GRM5: variants seen among roughly 807,000 people sequenced by gnomAD.
The protein encoded by GRM5 is glutamate metabotropic receptor 5.
A neutral mutation model predicts 83.1 loss-of-function variants in GRM5; 19 were observed. The ratio of observed to expected loss-of-function variants is 0.23; its 90% CI spans 0.16 to 0.34. GRM5 has a LOEUF of 0.34. GRM5 is among the 10% of genes least tolerant of loss of function. The pLI, the probability that GRM5 is intolerant of heterozygous loss-of-function variation, is 1.00. For synonymous variants in GRM5, 675 were observed against 633.6 expected, an observed-to-expected ratio of 1.07 and a Z score of -0.98; for missense variants, 1,160 against 1,588.3, an observed-to-expected ratio of 0.73 and a Z score of 4.58.
intron 3 of GRM5, among the ~76,000 whole-genome samples, chr11:88,838,630 A>G (rs1944136775): frequency 6.6e-6 from 1 of 152,192 alleles, no homozygotes; most frequent in African/African-American, 2.4e-5. Context: ...TTAAATCCCT[A>G]ACAGTGAGAA....
chr11:88,651,249 A>G (rs957170976), intron 4 of GRM5, among the ~76,000 whole-genome samples: 15 of 152,162 alleles, frequency 9.9e-5, no homozygotes, highest in Non-Finnish European at 1.6e-4. Context: ...ACAAATAACT[A>G]TTTTCAAGAG....
At chr11:88,592,882 T>G (rs1417459104) in intron 6 of GRM5, among the ~76,000 whole-genome samples, 1 of 152,164 alleles carries the variant, frequency 6.6e-6, no homozygotes, top group Non-Finnish European at 1.5e-5. Context: ...GGCGCCATCT[T>G]GGCTCACGGC....
intron 3 of GRM5, among the ~76,000 whole-genome samples, chr11:88,812,813 T>C (rs1943610009): frequency 6.6e-6 from 1 of 152,164 alleles, no homozygotes; most frequent in African/African-American, 2.4e-5. Context: ...GAAGCTAGAA[T>C]ACTAAACATC....
intron 3 of GRM5, among the ~76,000 whole-genome samples, chr11:88,738,949 C>T (rs1285705423): frequency 6.6e-6 from 1 of 152,066 alleles, no homozygotes; most frequent in Non-Finnish European, 1.5e-5. Context: ...GCTCCAATTC[C>T]AGATGTCATC....
At position 88,787,096 on chromosome 11, in the gene GRM5, A is replaced by G. The variant is rs997879696; in HGVS notation, c.911+62810T>C. Among the ~76,000 whole-genome samples the G allele has an allele frequency of 2.6e-5, 4 of 151,908 alleles. No individual in the cohort carries two copies. The East Asian group carries it at 7.8e-4, about 29-fold the overall frequency. On this transcript the variant is annotated intron_variant, in intron 3 of 9. Transcript: ENST00000305447. The stretch of plus-strand genomic sequence containing the variant: ...AGTTAATAGAATGAACAAAACAAGC[A>G]GATATCTTTATTTAAAAATATGATA...
chr11:88,671,684 T>C (rs1940197452), intron 3 of GRM5, among the ~76,000 whole-genome samples: 1 of 152,094 alleles, frequency 6.6e-6, no homozygotes, highest in African/African-American at 2.4e-5. Flanking sequence ...GAGAAGATTA[T>C]ACATATTCCA....
At chr11:88,765,282 G>C (rs964912323) in intron 3 of GRM5, among the ~76,000 whole-genome samples, 1 of 150,764 alleles carries the variant, frequency 6.6e-6, no homozygotes, top group African/African-American at 2.4e-5. Flanking sequence ...GGGTCTGATA[G>C]CTTCATGAGT....
chr11:88,559,024 TAA>T (rs1051012704), intron 8 of GRM5, among the ~76,000 whole-genome samples: 4 of 152,126 alleles, frequency 2.6e-5, no homozygotes, highest in South Asian at 2.1e-4. Context: ...AAAAGTAGTG[TAA>T]GTCTTCTCAA....
chr11:88,822,669 C>T (rs1590885885), intron 3 of GRM5, among the ~76,000 whole-genome samples: 1 of 152,036 alleles, frequency 6.6e-6, no homozygotes, highest in Admixed American at 6.6e-5. Flanking sequence ...AGAATATTGA[C>T]TCTTCCGGTT....
chr11:88,663,780 G>T (rs2135321208), intron 3 of GRM5, among the ~76,000 whole-genome samples: 1 of 152,220 alleles, frequency 6.6e-6, no homozygotes, highest in East Asian at 1.9e-4. Flanking sequence ...CCTCTTTTAT[G>T]AAGGCCAAAC....
intron 3 of GRM5, among the ~76,000 whole-genome samples, chr11:88,831,080 C>T (rs1487990315): frequency 2.0e-5 from 3 of 152,028 alleles, no homozygotes; most frequent in Non-Finnish European, 2.9e-5. Flanking sequence ...CACAGCCAAA[C>T]CATATCACGC....
In GRM5 at chr11:88,854,058, G is replaced by GTATATATATATATATA. The variant is rs10525785; in HGVS notation, c.662-3919_662-3904dup. On this transcript the variant is annotated intron_variant, in intron 2 of 9. Coordinates refer to ENST00000305447, the MANE Select transcript of GRM5 (RefSeq NM_001143831.3). ...AGATAAATGAATTAAAAAATGTGGT[G>GTATATATATATATATA]TATATATATATATATATATACACAA... is the stretch of plus-strand genomic sequence containing the variant. Among the ~76,000 whole-genome samples, 245 of 121,150 alleles carry GTATATATATATATATA rather than the reference G, an allele frequency of 2.0e-3. 6 individuals carry two copies. The highest frequency in any genetic ancestry group is 0.01 in the East Asian group (42 of 4,094). 79.5% of individuals were successfully genotyped at this position (121,150 alleles called of 152,430 possible). A position where few individuals can be genotyped will look rare whatever the true frequency, so the allele number is the denominator to read the frequency against.
intron 3 of GRM5, among the ~76,000 whole-genome samples, chr11:88,671,208 G>A (rs1940184981): frequency 1.3e-5 from 2 of 151,666 alleles, no homozygotes; most frequent in Non-Finnish European, 2.9e-5. Context: ...GATAACCCCA[G>A]TCCAGGCCAG....
intron 3 of GRM5, among the ~76,000 whole-genome samples, chr11:88,677,487 T>A (rs574077470): frequency 2.0e-5 from 3 of 152,262 alleles, no homozygotes; most frequent in Admixed American, 2.0e-4. Flanking sequence ...CATATGAGGT[T>A]GTAAGGCTGG....
intron 2 of GRM5, among the ~76,000 whole-genome samples, chr11:89,009,919 A>AACC (rs1421300974): frequency 9.5e-5 from 12 of 126,456 alleles, no homozygotes; most frequent in African/African-American, 5.0e-4. Context: ...AAAAAAAAAA[A>AACC]AAAAAAAAAA....
intron 4 of GRM5, among the ~76,000 whole-genome samples, chr11:88,635,744 C>A (rs1025259111): frequency 1.3e-5 from 2 of 152,036 alleles, no homozygotes; most frequent in African/African-American, 4.8e-5. Flanking sequence ...TCATACCCCC[C>A]AAAAAATCAT....
chr11:88,772,336 C>G lies in GRM5; in HGVS notation c.911+77570G>C, dbSNP rs74359162. Among the ~76,000 whole-genome samples, 837 of 152,144 alleles carry G rather than the reference C, an allele frequency of 5.5e-3. 14 individuals carry two copies. Among genetic ancestry groups the G allele is most frequent in the African/African-American group, 0.019 (794 of 41,538 alleles). ...AAGAAGCTCTTAACCGTTTTCTTTGCCTCATTGCAGACTTGCTTTATTTCT... is the reference window on the plus strand; with the variant it reads ...AAGAAGCTCTTAACCGTTTTCTTTGGCTCATTGCAGACTTGCTTTATTTCT... On this transcript the variant is annotated intron_variant, in intron 3 of 9. Coordinates refer to ENST00000305447, the MANE Select transcript of GRM5 (RefSeq NM_001143831.3).
At chr11:88,715,077 A>G (rs1428040942) in intron 3 of GRM5, among the ~76,000 whole-genome samples, 2 of 152,048 alleles carry the variant, frequency 1.3e-5, no homozygotes, top group African/African-American at 2.4e-5. Context: ...GCTTGTATGT[A>G]TATTTCGCCT....
At chr11:88,682,371 G>C (rs1356413703) in intron 3 of GRM5, among the ~76,000 whole-genome samples, 1 of 152,104 alleles carries the variant, frequency 6.6e-6, no homozygotes, top group Non-Finnish European at 1.5e-5. Flanking sequence ...CAATTACCTA[G>C]CCTTGGGGAA....
Sources: gnomAD v4.1 joint callset for allele counts (sites outside exome capture counted in the v4.1 genomes callset) on GRCh38, gnomAD v4.1.1 for gene constraint, MANE v1.5 for transcripts, NCBI Gene and HGNC (gene_info 2026-07-23, HGNC 2026-07-21) for gene names.